The following RUBCNL variants were observed in gnomAD, a reference collection of about 807,000 sequenced individuals.
RUBCNL encodes the protein protein associated with UVRAG as autophagy enhancer.
A neutral mutation model predicts 69.5 loss-of-function variants in RUBCNL; 62 were observed. That is an observed-to-expected ratio of 0.89 (90% CI 0.73 to 1.10). The LOEUF (loss-of-function observed/expected upper bound fraction) is 1.10, where lower values mean the gene tolerates loss of function less well. RUBCNL is among the 50% of genes least tolerant of loss of function. RUBCNL has a pLI of 0.00. For missense variants in RUBCNL, 768 were observed against 798.1 expected, an observed-to-expected ratio of 0.96 and a Z score of 0.45; for synonymous variants, 291 against 303.6, an observed-to-expected ratio of 0.96 and a Z score of 0.43.
At position 46,335,752 on chromosome 13, in the gene RUBCNL, A is replaced by T. The variant is rs2048101487; in HGVS notation, c.*7633T>A. On this transcript the variant is annotated 3_prime_UTR_variant, in exon 15 of 15. Coordinates refer to ENST00000429979, the MANE Select transcript of RUBCNL (RefSeq NM_025113.5). ...ACTGATGGACTGGATCTGGGGAGTG[A>T]GGGAAAGGGAAAGGATGACTCCTAG... Among the ~76,000 whole-genome samples, 2 of 152,214 alleles carry T rather than the reference A, an allele frequency of 1.3e-5. No homozygotes were observed. The highest frequency in any genetic ancestry group is 4.2e-4 in the South Asian group (2 of 4,802).
intron 1 of RUBCNL, among the ~76,000 whole-genome samples, chr13:46,384,119 A>C (rs564929224): frequency 1.3e-5 from 2 of 152,008 alleles, no homozygotes; most frequent in East Asian, 3.9e-4. Context: ...CAACCAAAAA[A>C]CCCCCAGATT....
chr13:46,366,599 A>G (rs1450776243), intron 5 of RUBCNL, among the ~76,000 whole-genome samples: 1 of 152,170 alleles, frequency 6.6e-6, no homozygotes, highest in Non-Finnish European at 1.5e-5. Context: ...TTGATCATAT[A>G]CCTATTCTGT....
rs1402183684 is a variant in RUBCNL, at chr13:46,340,033, A to G, written c.*3352T>C. The stretch of plus-strand genomic sequence containing the variant: ...CTCCGGCTTCTGGGGGCTGCCAGCA[A>G]TTCTTGGTGCTCCTTGGCTTGTAGA... On this transcript the variant is annotated 3_prime_UTR_variant, in exon 15 of 15. Transcript: ENST00000429979. Among the ~76,000 whole-genome samples the G allele has an allele frequency of 6.6e-6, 1 of 151,872 alleles. No homozygotes were observed. The highest frequency in any genetic ancestry group is 2.4e-5 in the African/African-American group (1 of 41,332).
At chr13:46,347,720 G>A (rs1369572622) in intron 12 of RUBCNL, among the ~76,000 whole-genome samples, 5 of 151,832 alleles carry the variant, frequency 3.3e-5, no homozygotes, top group East Asian at 1.9e-4. Context: ...GGCTGGGCGC[G>A]GTGGCTCATG....
At chr13:46,388,356 GA>G (rs2049296028), upstream of RUBCNL, among the ~76,000 whole-genome samples, 1 of 146,504 alleles carries the variant, frequency 6.8e-6, no homozygotes, top group African/African-American at 2.5e-5. Context: ...AGGAAGGAAG[GA>G]AAGCAAAGAA....
chr13:46,384,515 TCAAC>T (rs1301083699), intron 1 of RUBCNL, among the ~76,000 whole-genome samples: 1 of 152,158 alleles, frequency 6.6e-6, no homozygotes, highest in East Asian at 1.9e-4. Flanking sequence ...TCATCTAAAA[TCAAC>T]CAGCAAACAG....
chr13:46,360,214 C>T (rs2048580670), intron 8 of RUBCNL, among the ~76,000 whole-genome samples: 1 of 152,036 alleles, frequency 6.6e-6, no homozygotes, highest in African/African-American at 2.4e-5. Context: ...CATAGTGAAA[C>T]CCTGTCTCTA....
intron 5 of RUBCNL, among the ~76,000 whole-genome samples, chr13:46,364,037 T>C (rs1049463702): frequency 2.6e-5 from 4 of 151,684 alleles, no homozygotes; most frequent in African/African-American, 7.3e-5. Flanking sequence ...TGAATAAACA[T>C]AGGAGAGAAA....
At position 46,339,847 on chromosome 13, in the gene RUBCNL, A is replaced by C. The variant is rs1366437354; in HGVS notation, c.*3538T>G. Among the ~76,000 whole-genome samples, 2 of 150,372 alleles carry C rather than the reference A, an allele frequency of 1.3e-5. No individual in the cohort carries two copies. Among genetic ancestry groups the C allele is most frequent in the Non-Finnish European group, 3.0e-5 (2 of 67,614 alleles). On this transcript the variant is annotated 3_prime_UTR_variant, in exon 15 of 15. Transcript: ENST00000429979. ...GCACTATAGCCTGGGTGACAGAGCAAGACTCCATTTCAAAAAAACAAAAAC... is the reference window on the plus strand; with the variant it reads ...GCACTATAGCCTGGGTGACAGAGCACGACTCCATTTCAAAAAAACAAAAAC...
At chr13:46,348,242 G>T (rs2048291702) in intron 12 of RUBCNL, among the ~76,000 whole-genome samples, 1 of 152,176 alleles carries the variant, frequency 6.6e-6, no homozygotes, top group Admixed American at 6.5e-5. Context: ...GATGAAAAGA[G>T]TTTGGGGGCT....
At chr13:46,349,975 C>T (rs1483054424) in intron 11 of RUBCNL, 138 bp downstream of exon 11, 36 of 685,022 alleles carry the variant, frequency 5.3e-5, no homozygotes, top group African/African-American at 1.3e-4. Flanking sequence ...TGAGCCCCTG[C>T]GCCCAGCCGC....
rs57722239 is a variant in RUBCNL at position 46,362,939 on chromosome 13, G to GATATATATATATATATATAT, written c.925+156_925+175dup. ...CAAGAACATCATATATATATATATAGATATATATATATATATATATATATA... is the reference window on the plus strand; with the variant it reads ...CAAGAACATCATATATATATATATAGATATATATATATATATATATATATATATATATATATATATATATA... On this transcript the variant is annotated intron_variant, in intron 6 of 14. Coordinates refer to ENST00000429979, the MANE Select transcript of RUBCNL (RefSeq NM_025113.5). Among the ~76,000 whole-genome samples the GATATATATATATATATATAT allele has an allele frequency of 1.7e-4, 7 of 41,504 alleles. 1 individual carries two copies. The highest frequency in any genetic ancestry group is 2.3e-4 in the Non-Finnish European group (6 of 26,634). 27.2% of individuals were successfully genotyped at this position (41,504 alleles called of 152,430 possible). A position where few individuals can be genotyped will look rare whatever the true frequency, so the allele number is the denominator to read the frequency against.
At position 46,343,235 on chromosome 13, in the gene RUBCNL, A is replaced by T; in HGVS notation, c.*150T>A. 3 of 1,209,638 alleles carry T rather than the reference A, an allele frequency of 2.5e-6. No homozygotes were observed. The highest frequency in any genetic ancestry group is 3.4e-6 in the Non-Finnish European group (3 of 877,944). The allele number at this position is 1,209,638 out of a possible 1,614,324, so 74.9% of individuals were successfully genotyped here. A position where few individuals can be genotyped will look rare whatever the true frequency, so the allele number is the denominator to read the frequency against. On this transcript the variant is annotated 3_prime_UTR_variant, in exon 15 of 15. Transcript: ENST00000429979. ...AAACACAGAATCTGCATTCTTTTGA[A>T]ACATTAAGTATATGCAATAAAGAGA...
In RUBCNL at chr13:46,343,414, G is replaced by T; in HGVS notation, c.1960C>A (p.Leu654Met). Residue 654 changes from leucine (L) to methionine (M), a missense_variant, in exon 15 of 15, where the codon CTG becomes ATG. By Grantham distance (15) the Leu-to-Met change is conservative (BLOSUM62 2). Coordinates refer to ENST00000429979, the MANE Select transcript of RUBCNL (RefSeq NM_025113.5). ...CARITARRKL[L>M]ESVASAAT ...GTTGCTGCAGAGGCCACACTTTCCA[G>T]AAGTTTTCTCCTCGCTGTGATCCTC... The T allele has an allele frequency of 6.2e-7, 1 of 1,613,832 alleles. No homozygotes were observed.
rs150763885 is a variant in RUBCNL at position 46,358,585 on chromosome 13, G to T, written c.1265+901C>A. Among the ~76,000 whole-genome samples the T allele has an allele frequency of 6.0e-4, 91 of 152,002 alleles. No individual in the cohort carries two copies. In the East Asian group the frequency reaches 0.016, roughly 26 times the overall value. On this transcript the variant is annotated intron_variant, in intron 9 of 14. Transcript: ENST00000429979. ...TTTGTTGGTTTTGAGATCGAGTCTC[G>T]CTCTGTCACCCAAGCTGGAGTGCAC...
chr13:46,355,990 G>A (rs2138720360), intron 10 of RUBCNL, among the ~76,000 whole-genome samples: 1 of 152,300 alleles, frequency 6.6e-6, no homozygotes, highest in South Asian at 2.1e-4. Context: ...GATTGTCTGT[G>A]GCCAGCAGTG....
chr13:46,366,745 G>C (rs947684593), intron 5 of RUBCNL, among the ~76,000 whole-genome samples: 1 of 152,160 alleles, frequency 6.6e-6, no homozygotes, highest in Non-Finnish European at 1.5e-5. Flanking sequence ...GGGATTGTGA[G>C]AGAGTGATGG....
chr13:46,368,341 G>A, intron 4 of RUBCNL, 92 bp from the exon 5 acceptor site: 1 of 1,443,656 alleles, frequency 6.9e-7, no homozygotes, highest in Middle Eastern at 2.4e-4. Flanking sequence ...CTCTATTTAA[G>A]TGGAATTAAT....
chr13:46,375,550 A>G (rs1294877114), intron 2 of RUBCNL, among the ~76,000 whole-genome samples: 1 of 152,166 alleles, frequency 6.6e-6, no homozygotes, highest in Non-Finnish European at 1.5e-5. Flanking sequence ...ACAAAAAAAG[A>G]GCTAGAGAAA....
Sources: gnomAD v4.1 joint callset for allele counts (sites outside exome capture counted in the v4.1 genomes callset) on GRCh38, gnomAD v4.1.1 for gene constraint, MANE v1.5 for transcripts, NCBI Gene and HGNC (gene_info 2026-07-23, HGNC 2026-07-21) for gene names.